Variants in NFIC observed in about 807,000 individuals in gnomAD.
NFIC encodes the protein nuclear factor 1 C-type.
In NFIC, 12 loss-of-function variants were observed where a neutral mutation model predicts 54.4. That is an observed-to-expected ratio of 0.22 (90% confidence interval 0.14 to 0.36). The LOEUF (loss-of-function observed/expected upper bound fraction) is 0.36, where lower values mean the gene tolerates loss of function less well. NFIC is among the 10% of genes least tolerant of loss of function. NFIC has a pLI of 1.00. For missense variants in NFIC, 575 were observed against 718.2 expected, an observed-to-expected ratio of 0.80 and a Z score of 2.28; for synonymous variants, 322 against 319.2, an observed-to-expected ratio of 1.01 and a Z score of -0.09.
At chr19:3,373,990 C>T (rs892015788) in intron 1 of NFIC, among the ~76,000 whole-genome samples, 10 of 152,132 alleles carry the variant, frequency 6.6e-5, no homozygotes, top group African/African-American at 2.4e-4. Context: ...GTCCGTGGGA[C>T]CATGGACAAG....
chr19:3,426,344 G>A (rs940016453), intron 3 of NFIC, among the ~76,000 whole-genome samples: 5 of 152,040 alleles, frequency 3.3e-5, no homozygotes, highest in African/African-American at 9.7e-5. Context: ...TTCCCAAAGC[G>A]CTGGGATCAT....
rs1376535048 is a variant in NFIC, at chr19:3,463,028, A to G, written c.*259A>G. On this transcript the variant is annotated 3_prime_UTR_variant, in exon 11 of 11. Coordinates refer to ENST00000443272, the MANE Select transcript of NFIC (RefSeq NM_001245002.2). ...AAAAGGTAAAGACGCAACGTTTCCA[A>G]CTCTCGGGACGCCAAGGCCGCAGGA... 7.4e-7 allele frequency: 1 copy of G among 1,343,154 alleles called. No individual in the cohort carries two copies. The highest frequency in any genetic ancestry group is 9.5e-7 in the Non-Finnish European group (1 of 1,050,884). 83.2% of individuals were successfully genotyped at this position (1,343,154 alleles called of 1,614,324 possible). A position where few individuals can be genotyped will look rare whatever the true frequency, so the allele number is the denominator to read the frequency against.
At chr19:3,429,285 C>CAT (rs2082083966) in intron 3 of NFIC, among the ~76,000 whole-genome samples, 1 of 139,526 alleles carries the variant, frequency 7.2e-6, no homozygotes, top group African/African-American at 2.8e-5. Context: ...CACACACACA[C>CAT]ACACACACAC....
chr19:3,448,234 A>G (rs1023071537), intron 6 of NFIC, among the ~76,000 whole-genome samples: 2 of 152,050 alleles, frequency 1.3e-5, no homozygotes, highest in Non-Finnish European at 2.9e-5. Context: ...CACCACACCC[A>G]CCTAATTTTT....
At chr19:3,372,589 G>A (rs1300690479) in intron 1 of NFIC, among the ~76,000 whole-genome samples, 2 of 152,098 alleles carry the variant, frequency 1.3e-5, no homozygotes, top group African/African-American at 4.8e-5. Context: ...GTGTGCGACC[G>A]ACCTCGGGGA....
At chr19:3,367,380 C>T (rs1053568284) in intron 1 of NFIC, among the ~76,000 whole-genome samples, 1 of 152,136 alleles carries the variant, frequency 6.6e-6, no homozygotes, top group Non-Finnish European at 1.5e-5. Flanking sequence ...ATTCTGGAGC[C>T]GCCGCCGGGA....
At position 3,434,986 on chromosome 19, in the gene NFIC, C is replaced by A. The variant is rs1340987986; in HGVS notation, c.834-97C>A. 7 of 1,417,530 alleles carry A rather than the reference C, an allele frequency of 4.9e-6. No homozygotes were observed. The Admixed American group carries it at 1.5e-4, about 31-fold the overall frequency. The allele number at this position is 1,417,530 out of a possible 1,614,324, so 87.8% of individuals were successfully genotyped here. A position where few individuals can be genotyped will look rare whatever the true frequency, so the allele number is the denominator to read the frequency against. On this transcript the variant is annotated intron_variant, in intron 5 of 10. Coordinates refer to ENST00000443272, the MANE Select transcript of NFIC (RefSeq NM_001245002.2). ...TCTCGCGATACTACCTCCCTCGCCCCCGCTCACTTAAGGACCGGAAGTAGC... is the reference window on the plus strand; with the variant it reads ...TCTCGCGATACTACCTCCCTCGCCCACGCTCACTTAAGGACCGGAAGTAGC...
chr19:3,371,953 CTCCT>C (rs2081023471), intron 1 of NFIC, among the ~76,000 whole-genome samples: 5 of 129,844 alleles, frequency 3.9e-5, no homozygotes, highest in African/African-American at 1.5e-4. Flanking sequence ...CCCTCCCTCC[CTCCT>C]TCCTTCTTTC....
chr19:3,401,717 T>TTC (rs138781413), intron 2 of NFIC, among the ~76,000 whole-genome samples: 61,745 of 136,186 alleles, frequency 0.45, 15,251 homozygotes, highest in Non-Finnish European at 0.58. Flanking sequence ...GGCAGGGTTA[T>TTC]TCTCTTTTTT....
chr19:3,409,292 C>T (rs2081709963), intron 2 of NFIC, among the ~76,000 whole-genome samples: 1 of 152,206 alleles, frequency 6.6e-6, no homozygotes, highest in Non-Finnish European at 1.5e-5. Flanking sequence ...CACCCCAGCT[C>T]TCCACATGGC....
At chr19:3,364,443 C>T (rs555484680), upstream of NFIC, among the ~76,000 whole-genome samples, 4 of 152,130 alleles carry the variant, frequency 2.6e-5, no homozygotes, top group South Asian at 4.1e-4. Flanking sequence ...CGAGCCCACG[C>T]GGCAATTTAG....
rs12971613 is a variant in NFIC at position 3,464,714 on chromosome 19, C to T, written c.*1945C>T. 0.2 allele frequency: 193,222 copies of T among 984,602 alleles called. 20,912 individuals carry two copies. Among genetic ancestry groups the T allele is most frequent in the East Asian group, 0.65 (5,636 of 8,690 alleles). The allele number at this position is 984,602 out of a possible 1,614,324, so 61.0% of individuals were successfully genotyped here. A position where few individuals can be genotyped will look rare whatever the true frequency, so the allele number is the denominator to read the frequency against. On this transcript the variant is annotated 3_prime_UTR_variant, in exon 11 of 11. Coordinates refer to ENST00000443272, the MANE Select transcript of NFIC (RefSeq NM_001245002.2). ...GCCTCAGGAGCTTGGCGAACCCGCT[C>T]GCTCCTAAAGAGAAAGACCCAGGAC...
chr19:3,448,971 G>A lies in NFIC; in HGVS notation c.959-43G>A, dbSNP rs759290299. 8.7e-5 allele frequency: 139 copies of A among 1,588,672 alleles called. 2 individuals carry two copies. In the South Asian group the frequency reaches 1.5e-3, roughly 17 times the overall value. ...TTTGGGGAAGGTCCAGGGCTCATGG[G>A]GTGTGACCAGCCTGTGACTCTCTCG... is the stretch of plus-strand genomic sequence containing the variant. On this transcript the variant is annotated intron_variant, in intron 6 of 10. Transcript: ENST00000443272.
chr19:3,399,332 T>G (rs946149668), intron 2 of NFIC, among the ~76,000 whole-genome samples: 2 of 152,050 alleles, frequency 1.3e-5, no homozygotes, highest in African/African-American at 4.8e-5. Flanking sequence ...ATCCCAGCGC[T>G]TTGAGAGGCT....
chr19:3,434,961 T>A (rs2082175598), intron 5 of NFIC, 122 bp from the exon 6 acceptor site: 1 of 1,314,478 alleles, frequency 7.6e-7, no homozygotes, highest in African/African-American at 1.5e-5. Context: ...TCCCGCGATG[T>A]CTCGCGATAC....
intron 1 of NFIC, among the ~76,000 whole-genome samples, chr19:3,360,819 T>G (rs557850927): frequency 6.6e-6 from 1 of 152,230 alleles, no homozygotes; most frequent in East Asian, 1.9e-4. Context: ...CCGTGGGGTG[T>G]CCCCGTGTGG....
Position 3,464,351 on chromosome 19 carries a change from C to T in NFIC, c.*1582C>T, listed in dbSNP as rs2082687093. ...GCCTCCCATCTGCTAAGCGTTTTTCCGTTGAGCCGCTCCAAAAACACTAAG... is the reference window on the plus strand; with the variant it reads ...GCCTCCCATCTGCTAAGCGTTTTTCTGTTGAGCCGCTCCAAAAACACTAAG... On this transcript the variant is annotated 3_prime_UTR_variant, in exon 11 of 11. Transcript: ENST00000443272. 1 of 985,182 alleles carries T rather than the reference C, an allele frequency of 1.0e-6. No individual in the cohort carries two copies. Among genetic ancestry groups the T allele is most frequent in the Non-Finnish European group, 1.2e-6 (1 of 829,844 alleles). 61.0% of individuals were successfully genotyped at this position (985,182 alleles called of 1,614,324 possible). A position where few individuals can be genotyped will look rare whatever the true frequency, so the allele number is the denominator to read the frequency against.
intron 1 of NFIC, among the ~76,000 whole-genome samples, chr19:3,367,281 G>A (rs973379921): frequency 3.3e-5 from 5 of 152,302 alleles, no homozygotes; most frequent in South Asian, 2.1e-4. Context: ...AGGGTGCTCC[G>A]GCGGCCCGGC....
chr19:3,418,394 G>A (rs962231706), intron 2 of NFIC, among the ~76,000 whole-genome samples: 5 of 152,042 alleles, frequency 3.3e-5, no homozygotes, highest in East Asian at 1.9e-4. Flanking sequence ...ACCACGCCCC[G>A]CCTAATTTTA....
Sources: allele counts gnomAD v4.1 joint callset (sites outside exome capture counted in the v4.1 genomes callset), GRCh38; gene constraint gnomAD v4.1.1; transcripts MANE v1.5; gene names NCBI Gene and HGNC (gene_info 2026-07-23, HGNC 2026-07-21).